SORCS2: variants seen among roughly 807,000 people sequenced by gnomAD.
SORCS2 encodes VPS10 domain-containing receptor SorCS2.
A neutral mutation model predicts 141.6 loss-of-function variants in SORCS2; 100 were observed. The ratio of observed to expected loss-of-function variants is 0.71; its 90% confidence interval spans 0.60 to 0.83. SORCS2 has a LOEUF of 0.83. SORCS2 is among the 40% of genes least tolerant of loss of function. The pLI is 0.00. For synonymous variants in SORCS2, 789 were observed against 676.9 expected, an observed-to-expected ratio of 1.17 and a Z score of -2.57; for missense variants, 1,646 against 1,560.2, an observed-to-expected ratio of 1.05 and a Z score of -0.93.
chr4:7,367,709 A>G lies in SORCS2; in HGVS notation c.481-28579A>G, dbSNP rs185772906. Among the ~76,000 whole-genome samples the G allele has an allele frequency of 3.7e-4, 57 of 152,344 alleles. 1 individual carries two copies. In the South Asian group the frequency reaches 0.011, roughly 30 times the overall value. On this transcript the variant is annotated intron_variant, in intron 1 of 26. Coordinates refer to ENST00000507866, the MANE Select transcript of SORCS2 (RefSeq NM_020777.3). The stretch of plus-strand genomic sequence containing the variant: ...TGTTGGCTCCGACTCTCCCTAGGAA[A>G]TTGCTTATTATGGGTCTGTGAAAGC...
rs149986609 is a variant in SORCS2 at position 7,485,832 on chromosome 4, G to A, written c.549-45698G>A. 2.2e-4 allele frequency among the ~76,000 whole-genome samples: 34 copies of A among 152,300 alleles called. 1 individual carries two copies. In the East Asian group the frequency reaches 5.8e-3, roughly 26 times the overall value. The stretch of plus-strand genomic sequence containing the variant: ...AGACGTGTGGAGGGAGGATGCCAGG[G>A]TGAAAGGAACCTGGGAGAGAAAGGA... On this transcript the variant is annotated intron_variant, in intron 2 of 26. Transcript: ENST00000507866.
intron 1 of SORCS2, among the ~76,000 whole-genome samples, chr4:7,305,178 C>T (rs1035994421): frequency 6.6e-6 from 1 of 151,990 alleles, no homozygotes; most frequent in Non-Finnish European, 1.5e-5. Context: ...ACTGCAGGCG[C>T]CTGCCACCGC....
At chr4:7,380,959 G>A (rs968871918) in intron 1 of SORCS2, among the ~76,000 whole-genome samples, 2 of 152,056 alleles carry the variant, frequency 1.3e-5, no homozygotes, top group African/African-American at 2.4e-5. Flanking sequence ...GCAGGTGCCT[G>A]TAGTCCCAGC....
At chr4:7,203,055 G>C (rs1482102554) in intron 1 of SORCS2, among the ~76,000 whole-genome samples, 1 of 152,186 alleles carries the variant, frequency 6.6e-6, no homozygotes, top group Non-Finnish European at 1.5e-5. Context: ...TGTGGCAGGA[G>C]GACTTGCCCC....
At chr4:7,656,496 C>T (rs952427778) in intron 5 of SORCS2, among the ~76,000 whole-genome samples, 8 of 152,332 alleles carry the variant, frequency 5.3e-5, no homozygotes, top group African/African-American at 1.2e-4. Context: ...GGCTCGGGCA[C>T]GCATTCTAGG....
chr4:7,326,619 G>C (rs1006471410), intron 1 of SORCS2, among the ~76,000 whole-genome samples: 1 of 152,216 alleles, frequency 6.6e-6, no homozygotes, highest in African/African-American at 2.4e-5. Context: ...CAAGGGGTGT[G>C]GAGGCTCAGC....
intron 3 of SORCS2, among the ~76,000 whole-genome samples, chr4:7,543,883 C>CCCACCCATCCAT (rs1712993765): frequency 2.0e-5 from 1 of 49,138 alleles, no homozygotes; most frequent in Non-Finnish European, 4.1e-5. Context: ...CAGCCACCCA[C>CCCACCCATCCAT]CCACCCACCC....
intron 1 of SORCS2, among the ~76,000 whole-genome samples, chr4:7,274,289 C>T (rs189347229): frequency 3.3e-5 from 5 of 152,312 alleles, no homozygotes; most frequent in East Asian, 1.9e-4. Context: ...AAGAGGGCTC[C>T]GCCTCATTTA....
rs1726904466 is a variant in SORCS2 at position 7,192,582 on chromosome 4, C to T, written c.-65C>T. 2.0e-6 allele frequency: 2 copies of T among 986,220 alleles called. No individual in the cohort carries two copies. Among genetic ancestry groups the T allele is most frequent in the East Asian group, 1.1e-4 (1 of 8,890 alleles). The allele number at this position is 986,220 out of a possible 1,614,324, so 61.1% of individuals were successfully genotyped here. On this transcript the variant is annotated 5_prime_UTR_variant, in exon 1 of 27. Transcript: ENST00000507866. The surrounding 1 kb of genome is among the most constrained non-coding windows in gnomAD (Gnocchi z 4.0). ...TCGCGCTCCCCAGCGCCCTCCTGCT[C>T]TCCCGGCCGCGGTCCCCTCGTCCGC...
intron 1 of SORCS2, among the ~76,000 whole-genome samples, chr4:7,254,987 G>A (rs143016544): frequency 6.6e-6 from 1 of 152,252 alleles, no homozygotes; most frequent in East Asian, 1.9e-4. Flanking sequence ...ATGGGTGGGA[G>A]GTGTCTGCTG....
chr4:7,485,553 G>A (rs535071518), intron 2 of SORCS2, among the ~76,000 whole-genome samples: 2 of 152,384 alleles, frequency 1.3e-5, no homozygotes. Flanking sequence ...GGCGGCTCTT[G>A]TTATTTGATA....
intron 3 of SORCS2, among the ~76,000 whole-genome samples, chr4:7,533,210 T>C (rs903186961): frequency 6.6e-6 from 1 of 151,866 alleles, no homozygotes; most frequent in Non-Finnish European, 1.5e-5. Flanking sequence ...AAGCTGAGGG[T>C]GGAGGGTGTT....
At chr4:7,730,589 A>C (rs564491048) in intron 23 of SORCS2, among the ~76,000 whole-genome samples, 3 of 152,346 alleles carry the variant, frequency 2.0e-5, no homozygotes, top group Admixed American at 2.0e-4. Flanking sequence ...CTCTGACAGC[A>C]TGGACGAACC....
intron 1 of SORCS2, among the ~76,000 whole-genome samples, chr4:7,228,192 C>T (rs934037372): frequency 1.3e-5 from 2 of 152,180 alleles, no homozygotes; most frequent in Admixed American, 6.5e-5. Flanking sequence ...TGTCTTCTCC[C>T]GGCATCCTCG....
intron 2 of SORCS2, among the ~76,000 whole-genome samples, chr4:7,485,617 C>T (rs758917276): frequency 5.3e-5 from 8 of 152,228 alleles, no homozygotes; most frequent in East Asian, 1.9e-4. Flanking sequence ...GGGAAGGAAA[C>T]GGAGGTTGTG....
chr4:7,713,997 A>G (rs1035373383), intron 15 of SORCS2, among the ~76,000 whole-genome samples: 2 of 151,986 alleles, frequency 1.3e-5, no homozygotes, highest in Non-Finnish European at 2.9e-5. Context: ...CAGCTCTGCG[A>G]CCCCTCGGGC....
chr4:7,551,337 C>G (rs1321821777), intron 3 of SORCS2, among the ~76,000 whole-genome samples: 1 of 152,196 alleles, frequency 6.6e-6, no homozygotes, highest in African/African-American at 2.4e-5. Context: ...CCTATTCTGA[C>G]TTGGCATCAG....
chr4:7,425,391 G>A (rs143581097), intron 2 of SORCS2, among the ~76,000 whole-genome samples: 130 of 152,318 alleles, frequency 8.5e-4, no homozygotes, highest in African/African-American at 2.3e-3. Flanking sequence ...AGGTGCACTC[G>A]CTTCTGCTGT....
intron 12 of SORCS2, among the ~76,000 whole-genome samples, chr4:7,699,977 C>T (rs1724957223): frequency 6.6e-6 from 1 of 152,218 alleles, no homozygotes; most frequent in African/African-American, 2.4e-5. Context: ...GCTCTTGTGA[C>T]TCCCCAATCA....
Sources: allele counts gnomAD v4.1 joint callset (sites outside exome capture counted in the v4.1 genomes callset), GRCh38; gene constraint gnomAD v4.1.1; non-coding constraint Gnocchi (gnomAD v3.1); transcripts MANE v1.5; gene names NCBI Gene and HGNC (gene_info 2026-07-23, HGNC 2026-07-21).